EXTL1: variants seen among roughly 807,000 people sequenced by gnomAD.
EXTL1 encodes exostosin like glycosyltransferase 1.
In EXTL1, 43 loss-of-function variants were observed where a neutral mutation model predicts 64.6. That is an observed-to-expected ratio of 0.67 (90% confidence interval 0.52 to 0.86). EXTL1 has a LOEUF of 0.86. EXTL1 is among the 40% of genes least tolerant of loss of function. The pLI is 0.00. For missense variants in EXTL1, 766 were observed against 879.0 expected (o/e 0.87, Z 1.62); for synonymous variants, 352 against 360.5 (o/e 0.98, Z 0.27).
At position 26,036,393 on chromosome 1, in the gene EXTL1, C is replaced by T. The variant is rs188962150; in HGVS notation, c.*1046C>T. The stretch of plus-strand genomic sequence containing the variant: ...GGACACTAGGTCCTCCGGGGTTCAC[C>T]CACCTGGAGCTGGAATTATCACTTC... On this transcript the variant is annotated 3_prime_UTR_variant, in exon 11 of 11. Transcript: ENST00000374280. The surrounding 1 kb of genome is among the most constrained non-coding windows in gnomAD (Gnocchi z 5.2). The T allele has an allele frequency of 3.3e-5, 5 of 152,326 alleles. No individual in the cohort carries two copies. Among genetic ancestry groups the T allele is most frequent in the African/African-American group, 1.2e-4 (5 of 41,548 alleles). The allele number at this position is 152,326 out of a possible 1,614,324, so 9.4% of individuals were successfully genotyped here.
At position 26,032,398 on chromosome 1, in the gene EXTL1, C is replaced by T. The variant is rs767387346; in HGVS notation, c.1344C>T (p.Ile448=). ...AAGAACAACCCCCTATCCTCTAGAT[C>T]TTGGTTCTCTGGAGCAATGAGAGGC... ...AVAGSQHCAQ[I]LVLWSNERPL... The change falls in exon 7 of 11, where the codon ATC becomes ATT. Residue 448 remains isoleucine, a splice_region_variant and synonymous_variant. Transcript: ENST00000374280. The T allele has an allele frequency of 9.0e-6, 14 of 1,554,864 alleles. No homozygotes were observed. Among genetic ancestry groups the T allele is most frequent in the Non-Finnish European group, 1.2e-5 (14 of 1,148,574 alleles).
rs1557556834 is a variant in EXTL1, at chr1:26,034,996, GCTCCAC to G, written c.1841_1846del (p.Ala614_Leu616delinsVal). On this transcript the variant is annotated inframe_deletion and splice_region_variant, in exon 10 of 11. Transcript: ENST00000374280. The surrounding 1 kb of genome is among the most constrained non-coding windows in gnomAD (Gnocchi z 4.6). The stretch of plus-strand genomic sequence containing the variant: ...CTATGGCAAGCAGCGCCAGGAGGCT[GCTCCAC>G]TGGTGAGGGCTGAGGGGGATTGGTC... 3.1e-6 allele frequency: 5 copies of G among 1,614,012 alleles called. No individual in the cohort carries two copies. Among genetic ancestry groups the G allele is most frequent in the African/African-American group, 1.3e-5 (1 of 74,940 alleles).
Position 26,034,811 on chromosome 1 carries a change from C to T in EXTL1, c.1680-25C>T. ...CTGGGGATGGATTTGGCTGCAGCCTCTCCCTGTCTTTTCCTCTTGCCCAGG... is the reference window on the plus strand; with the variant it reads ...CTGGGGATGGATTTGGCTGCAGCCTTTCCCTGTCTTTTCCTCTTGCCCAGG... On this transcript the variant is annotated intron_variant, in intron 9 of 10. Transcript: ENST00000374280. This position sits in a 1 kb window ranked among gnomAD's most constrained non-coding sequence, Gnocchi z 4.6. 1 of 1,606,852 alleles carries T rather than the reference C, an allele frequency of 6.2e-7. No individual in the cohort carries two copies. Among genetic ancestry groups the T allele is most frequent in the South Asian group, 1.1e-5 (1 of 90,600 alleles).
Position 26,035,079 on chromosome 1 carries a change from C to T in EXTL1, c.1848+75C>T. 1 of 1,595,750 alleles carries T rather than the reference C, an allele frequency of 6.3e-7. No individual in the cohort carries two copies. The highest frequency in any genetic ancestry group is 8.6e-7 in the Non-Finnish European group (1 of 1,167,242). On this transcript the variant is annotated intron_variant, in intron 10 of 10. Coordinates refer to ENST00000374280, the MANE Select transcript of EXTL1 (RefSeq NM_004455.3). The surrounding 1 kb of genome is among the most constrained non-coding windows in gnomAD (Gnocchi z 5.3). The stretch of plus-strand genomic sequence containing the variant: ...GCCGGAGAGGATTCCCTCTCACTGT[C>T]TAATTCCAGTCTTTCTTGCTGCACG...
In EXTL1 at chr1:26,032,030, A is replaced by G. The variant is rs903655822; in HGVS notation, c.1342-366A>G. 1.7e-5 allele frequency: 4 copies of G among 237,620 alleles called. No homozygotes were observed. In the East Asian group the frequency reaches 2.9e-4, roughly 17 times the overall value. 14.7% of individuals were successfully genotyped at this position (237,620 alleles called of 1,614,324 possible). ...CCAGGGTGCACACAGGAAGGCTCCAAACAGGCCATTGAGCTGGGCTGGGAG... is the reference window on the plus strand; with the variant it reads ...CCAGGGTGCACACAGGAAGGCTCCAGACAGGCCATTGAGCTGGGCTGGGAG... On this transcript the variant is annotated intron_variant, in intron 6 of 10. Coordinates refer to ENST00000374280, the MANE Select transcript of EXTL1 (RefSeq NM_004455.3).
At chr1:26,024,162 A>G (rs992341455) in intron 1 of EXTL1, among the ~76,000 whole-genome samples, 7 of 151,574 alleles carry the variant, frequency 4.6e-5, no homozygotes, top group Non-Finnish European at 1.0e-4. Flanking sequence ...TTGTACAGAA[A>G]CTCTTTCCGC....
chr1:26,031,320 C>T (rs2124410549), intron 5 of EXTL1, 56 bp downstream of exon 5: 2 of 1,582,202 alleles, frequency 1.3e-6, no homozygotes, highest in Non-Finnish European at 1.7e-6. Flanking sequence ...CAGGGCTGCC[C>T]CAGCCTCATC....
chr1:26,031,210 C>T lies in EXTL1; in HGVS notation c.1180C>T (p.Leu394=). ...WNSPPGALLA[L]STFSTSPQDF... is the part of the protein sequence containing the mutation. ...CAGCCCCCCAGGGGCACTCCTGGCC[C>T]TGTCTACTTTTTCCACAAGCCCCCA... Residue 394 remains leucine (L), a synonymous_variant, in exon 5 of 11, where the codon CTG becomes TTG. Transcript: ENST00000374280. 6.2e-7 allele frequency: 1 copy of T among 1,614,038 alleles called. No individual in the cohort carries two copies. The highest frequency in any genetic ancestry group is 8.5e-7 in the Non-Finnish European group (1 of 1,179,988).
In EXTL1 at chr1:26,025,192, G is replaced by C. The variant is rs1369063851; in HGVS notation, c.779+1767G>C. 6.6e-6 allele frequency among the ~76,000 whole-genome samples: 1 copy of C among 152,142 alleles called. No individual in the cohort carries two copies. Among genetic ancestry groups the C allele is most frequent in the Non-Finnish European group, 1.5e-5 (1 of 68,026 alleles). ...CAGCTGCCTGGGCCAGACAGCCTAG[G>C]GACAGAGTGAGAGAGATAGCCTGAA... is the stretch of plus-strand genomic sequence containing the variant. On this transcript the variant is annotated intron_variant, in intron 1 of 10. Coordinates refer to ENST00000374280, the MANE Select transcript of EXTL1 (RefSeq NM_004455.3). The surrounding 1 kb of genome is among the most constrained non-coding windows in gnomAD (Gnocchi z 5.3).
chr1:26,033,396 T>A lies in EXTL1; in HGVS notation c.1518+81T>A. The A allele has an allele frequency of 8.0e-7, 1 of 1,246,496 alleles. No homozygotes were observed. Among genetic ancestry groups the A allele is most frequent in the Non-Finnish European group, 1.2e-6 (1 of 849,124 alleles). The allele number at this position is 1,246,496 out of a possible 1,614,324, so 77.2% of individuals were successfully genotyped here. ...CTGGCAGCCCCTCAGGTTCCCAGGG[T>A]TGAGGGGACCCCAGGTCATGAGGTC... On this transcript the variant is annotated intron_variant, in intron 8 of 10. Transcript: ENST00000374280. This position sits in a 1 kb window ranked among gnomAD's most constrained non-coding sequence, Gnocchi z 5.1.
rs966252756 is a variant in EXTL1, at chr1:26,029,203, C to A, written c.790C>A (p.Gln264Lys). 8.7e-6 allele frequency: 14 copies of A among 1,613,552 alleles called. No individual in the cohort carries two copies. The highest frequency in any genetic ancestry group is 1.1e-5 in the Non-Finnish European group (13 of 1,179,692). Residue 264 changes from glutamine (Q) to lysine (K), a missense_variant, in exon 2 of 11, where the codon CAG becomes AAG. Coordinates refer to ENST00000374280, the MANE Select transcript of EXTL1 (RefSeq NM_004455.3). ...CATGTGCCTCTTTAGGACCCAGCGC[C>A]AGGAGACGCTGCCCAATGCCACCTT... ...QDPGPGQTQRQETLPNATFCL... is the reference protein window; with the variant it reads ...QDPGPGQTQRKETLPNATFCL...
rs1016463156 is a variant in EXTL1 at position 26,025,025 on chromosome 1, A to T, written c.779+1600A>T. On this transcript the variant is annotated intron_variant, in intron 1 of 10. Coordinates refer to ENST00000374280, the MANE Select transcript of EXTL1 (RefSeq NM_004455.3). The surrounding 1 kb of genome is among the most constrained non-coding windows in gnomAD (Gnocchi z 5.3). Reference sequence around the variant, plus strand: ...GGTCACCCTCTGAGTAGCATTTTTGATAAGTTTTATTTCCCAGGGGCGAAG... The same window carrying T: ...GGTCACCCTCTGAGTAGCATTTTTGTTAAGTTTTATTTCCCAGGGGCGAAG... Among the ~76,000 whole-genome samples the T allele has an allele frequency of 1.3e-5, 2 of 152,020 alleles. No homozygotes were observed. Among genetic ancestry groups the T allele is most frequent in the Non-Finnish European group, 2.9e-5 (2 of 68,006 alleles).
intron 1 of EXTL1, among the ~76,000 whole-genome samples, chr1:26,027,915 A>G (rs978853900): frequency 6.6e-6 from 1 of 152,106 alleles, no homozygotes; most frequent in Non-Finnish European, 1.5e-5. Flanking sequence ...AACGTGAGGG[A>G]GAAGGGATCT....
Position 26,029,720 on chromosome 1 carries a change from C to A in EXTL1, c.981+13C>A. The A allele has an allele frequency of 6.4e-7, 1 of 1,574,290 alleles. No homozygotes were observed. The highest frequency in any genetic ancestry group is 8.7e-7 in the Non-Finnish European group (1 of 1,146,798). On this transcript the variant is annotated intron_variant, in intron 3 of 10. Coordinates refer to ENST00000374280, the MANE Select transcript of EXTL1 (RefSeq NM_004455.3). ...GCTCCCACTTCAGGTAGCTCAGAGCCCTGCCCACAGGGTGGGAACTGGACC... is the reference window on the plus strand; with the variant it reads ...GCTCCCACTTCAGGTAGCTCAGAGCACTGCCCACAGGGTGGGAACTGGACC...
rs1199444169 is a variant in EXTL1, at chr1:26,033,967, G to A, written c.1679+111G>A. 1.3e-5 allele frequency: 12 copies of A among 904,558 alleles called. No homozygotes were observed. Among genetic ancestry groups the A allele is most frequent in the East Asian group, 9.4e-5 (3 of 32,042 alleles). 56.0% of individuals were successfully genotyped at this position (904,558 alleles called of 1,614,324 possible). On this transcript the variant is annotated intron_variant, in intron 9 of 10. Coordinates refer to ENST00000374280, the MANE Select transcript of EXTL1 (RefSeq NM_004455.3). This position sits in a 1 kb window ranked among gnomAD's most constrained non-coding sequence, Gnocchi z 5.1. ...ACCCCAGGGATCCAGGTTCAAGGCC[G>A]AGATCTGCCACTTCCCAGCTGTGGG...
intron 1 of EXTL1, among the ~76,000 whole-genome samples, chr1:26,026,060 G>C (rs941921610): frequency 6.6e-6 from 1 of 152,056 alleles, no homozygotes; most frequent in Non-Finnish European, 1.5e-5. Context: ...GCAACATGGT[G>C]AGACCCTGTC....
chr1:26,027,596 C>T (rs1286989872), intron 1 of EXTL1, among the ~76,000 whole-genome samples: 1 of 149,424 alleles, frequency 6.7e-6, no homozygotes, highest in Non-Finnish European at 1.5e-5. Flanking sequence ...TGGCTCATGT[C>T]TGTAATCTCA....
At chr1:26,032,126 C>G in intron 6 of EXTL1, 1 of 398,568 alleles carries the variant, frequency 2.5e-6, no homozygotes, top group Non-Finnish European at 4.5e-6. Flanking sequence ...AGTCAGGGCC[C>G]AGGCTAGGGA....
Position 26,036,237 on chromosome 1 carries a change from A to T in EXTL1, c.*890A>T, listed in dbSNP as rs1348784364. On this transcript the variant is annotated 3_prime_UTR_variant, in exon 11 of 11. Coordinates refer to ENST00000374280, the MANE Select transcript of EXTL1 (RefSeq NM_004455.3). This position sits in a 1 kb window ranked among gnomAD's most constrained non-coding sequence, Gnocchi z 5.2. ...AGCTCGGGGGCTGAAAGCTGGGAAG[A>T]GAAATCTGAAGAACAGCCCCATCTC... 1 of 152,364 alleles carries T rather than the reference A, an allele frequency of 6.6e-6. No individual in the cohort carries two copies. Among genetic ancestry groups the T allele is most frequent in the East Asian group, 1.9e-4 (1 of 5,194 alleles). 9.4% of individuals were successfully genotyped at this position (152,364 alleles called of 1,614,324 possible).
Sources: allele counts gnomAD v4.1 joint callset (sites outside exome capture counted in the v4.1 genomes callset), GRCh38; gene constraint gnomAD v4.1.1; non-coding constraint Gnocchi (gnomAD v3.1); transcripts MANE v1.5; gene names NCBI Gene and HGNC (gene_info 2026-07-23, HGNC 2026-07-21).